TRPM3: variants seen among roughly 807,000 people sequenced by gnomAD.
TRPM3 encodes the protein transient receptor potential cation channel subfamily M member 3, also known as long transient receptor potential channel 3.
Under a neutral mutation model 181.2 loss-of-function variants are expected in TRPM3, and 77 were observed. The observed-to-expected ratio is 0.42, with a 90% confidence interval of 0.35 to 0.51. The LOEUF is 0.51. Among genes scored for constraint, TRPM3 ranks in the 20% least tolerant of loss-of-function variants. The pLI, the probability that TRPM3 is intolerant of heterozygous loss-of-function variation, is 0.01. For synonymous variants in TRPM3, 745 were observed against 796.4 expected, an observed-to-expected ratio of 0.94 and a Z score of 1.09; for missense variants, 1,759 against 2,196.7, an observed-to-expected ratio of 0.80 and a Z score of 3.98.
chr9:70,817,540 G>A (rs562552843), intron 6 of TRPM3, among the ~76,000 whole-genome samples: 1 of 152,300 alleles, frequency 6.6e-6, no homozygotes, highest in Non-Finnish European at 1.5e-5. Flanking sequence ...CCTAACTAAG[G>A]CTTTATGGTT....
intron 1 of TRPM3, among the ~76,000 whole-genome samples, chr9:71,137,723 A>C (rs1387286543): frequency 6.6e-6 from 1 of 152,222 alleles, no homozygotes; most frequent in African/African-American, 2.4e-5. Context: ...AAATGTCCAA[A>C]AGGAAGCTTC....
In TRPM3 at chr9:70,537,092, T is replaced by C. The variant is rs773681402; in HGVS notation, c.4021A>G (p.Thr1341Ala). 39 of 1,609,850 alleles carry C rather than the reference T, an allele frequency of 2.4e-5. No homozygotes were observed. The highest frequency in any genetic ancestry group is 5.0e-5 in the Admixed American group (3 of 59,926). ...TGGCTTCGCATACGGGGCATTAAGG[T>C]TGGAGAAGTTGGGGACATGGTCTCC... Reference protein sequence around the residue: ...GEETMSPTSPTLMPRMRSHSF... With the variant: ...GEETMSPTSPALMPRMRSHSF... Residue 1341 changes from threonine (T) to alanine (A), a missense_variant, in exon 26 of 26, where the codon ACC becomes GCC. Thr to Ala is a moderately conservative substitution (Grantham distance 58, BLOSUM62 0). This residue lies in a region of TRPM3 where 612 missense variants were observed against 590.0 expected (regional missense o/e 1.04). Transcript: ENST00000677713.
At chr9:71,003,696 T>C (rs972648418) in intron 1 of TRPM3, among the ~76,000 whole-genome samples, 7 of 152,178 alleles carry the variant, frequency 4.6e-5, no homozygotes, top group Non-Finnish European at 8.8e-5. Context: ...AAGTTCGGTA[T>C]CGTTTTATTT....
At chr9:70,770,486 A>T (rs2130546739) in intron 7 of TRPM3, among the ~76,000 whole-genome samples, 1 of 152,336 alleles carries the variant, frequency 6.6e-6, no homozygotes, top group East Asian at 1.9e-4. Context: ...AAACCAACAC[A>T]ACATACATCT....
rs769831095 is a variant in TRPM3, at chr9:70,536,836, A to T, written c.4277T>A (p.Ile1426Lys). 2.3e-5 allele frequency: 37 copies of T among 1,614,200 alleles called. No homozygotes were observed. Among genetic ancestry groups the T allele is most frequent in the Non-Finnish European group, 3.1e-5 (37 of 1,180,034 alleles). Reference protein sequence around the residue: ...VSAMDELHCDIDPLDNSVNIL... With the variant: ...VSAMDELHCDKDPLDNSVNIL... ...GTTCACGGAATTGTCCAGAGGGTCT[A>T]TATCACAGTGGAGCTCATCCATAGC... The change falls in exon 26 of 26, where the codon ATA becomes AAA. Residue 1426 changes from isoleucine (I) to lysine (K), a missense_variant. Physicochemically the swap from Ile to Lys is moderately radical, Grantham distance 102 (BLOSUM62 -3). This residue lies in a region of TRPM3 where 612 missense variants were observed against 590.0 expected (regional missense o/e 1.04). Transcript: ENST00000677713.
At chr9:70,889,444 T>C (rs1336566783) in intron 1 of TRPM3, among the ~76,000 whole-genome samples, 1 of 152,182 alleles carries the variant, frequency 6.6e-6, no homozygotes, top group Non-Finnish European at 1.5e-5. Context: ...CTTACCTCTG[T>C]CGGCCACTAG....
intron 1 of TRPM3, among the ~76,000 whole-genome samples, chr9:70,871,307 A>AGAT (rs2095785867): frequency 6.6e-6 from 1 of 151,986 alleles, no homozygotes; most frequent in African/African-American, 2.4e-5. Context: ...CTTCTTCACT[A>AGAT]GATACTACTC....
chr9:70,813,782 AG>A (rs2092399617), intron 6 of TRPM3, among the ~76,000 whole-genome samples: 1 of 152,238 alleles, frequency 6.6e-6, no homozygotes, highest in Non-Finnish European at 1.5e-5. Context: ...ATTTACTAGC[AG>A]TCTGACCTTG....
At chr9:71,202,520 A>G (rs769785923) in intron 1 of TRPM3, among the ~76,000 whole-genome samples, 2 of 152,166 alleles carry the variant, frequency 1.3e-5, no homozygotes, top group Non-Finnish European at 2.9e-5. Context: ...TAGGCAGAAT[A>G]AGAGAAATTT....
intron 1 of TRPM3, among the ~76,000 whole-genome samples, chr9:70,909,488 T>A (rs971073402): frequency 6.6e-6 from 1 of 152,092 alleles, no homozygotes; most frequent in African/African-American, 2.4e-5. Context: ...CAGGCCTTAC[T>A]CTGGGGAGCC....
chr9:71,368,531 T>C (rs577099392), intron 1 of TRPM3, among the ~76,000 whole-genome samples: 2 of 152,178 alleles, frequency 1.3e-5, no homozygotes, highest in Admixed American at 6.6e-5. Context: ...TCAATCCTAT[T>C]TGCCAAGCAG....
chr9:70,915,104 C>A (rs1374716161), intron 1 of TRPM3, among the ~76,000 whole-genome samples: 1 of 151,986 alleles, frequency 6.6e-6, no homozygotes, highest in Non-Finnish European at 1.5e-5. Context: ...ATGAAATGAA[C>A]CAAATAAGAT....
chr9:70,619,406 C>CTTTTTTTTTTTTTTTTTTTTTTTTTTTT (rs1170887633), intron 16 of TRPM3, among the ~76,000 whole-genome samples: 2 of 81,418 alleles, frequency 2.5e-5, no homozygotes, highest in Non-Finnish European at 4.4e-5. Flanking sequence ...TCGTCGTCTT[C>CTTTTTTTTTTTTTTTTTTTTTTTTTTTT]TTTTTTTTTT....
intron 1 of TRPM3, among the ~76,000 whole-genome samples, chr9:71,247,173 G>A (rs1372389042): frequency 1.3e-5 from 2 of 151,990 alleles, no homozygotes; most frequent in Non-Finnish European, 2.9e-5. Flanking sequence ...GACCAACATG[G>A]TGAAATACTG....
chr9:71,344,474 G>A (rs1565482847), intron 1 of TRPM3, among the ~76,000 whole-genome samples: 5 of 151,792 alleles, frequency 3.3e-5, no homozygotes, highest in South Asian at 4.1e-4. Flanking sequence ...TAACTGGAGC[G>A]AGAAACATCA....
At chr9:71,073,643 A>T (rs79874921) in intron 1 of TRPM3, among the ~76,000 whole-genome samples, 8 of 122,282 alleles carry the variant, frequency 6.5e-5, no homozygotes, top group Admixed American at 7.7e-5. Context: ...GATTATCAAT[A>T]AAAAAAAAAC....
At chr9:71,020,450 C>A in intron 1 of TRPM3, among the ~76,000 whole-genome samples, 1 of 150,132 alleles carries the variant, frequency 6.7e-6, no homozygotes. Flanking sequence ...TGCACTCAGC[C>A]TAGGTGACAG....
At chr9:70,885,247 C>A (rs190132688) in intron 1 of TRPM3, among the ~76,000 whole-genome samples, 1 of 152,182 alleles carries the variant, frequency 6.6e-6, no homozygotes, top group Admixed American at 6.5e-5. Flanking sequence ...TTGCATAATT[C>A]TTTGTTGTGG....
At chr9:71,415,242 G>C (rs553909573) in intron 1 of TRPM3, among the ~76,000 whole-genome samples, 1 of 152,140 alleles carries the variant, frequency 6.6e-6, no homozygotes, top group African/African-American at 2.4e-5. Flanking sequence ...TGGCCCTCCT[G>C]ACACCTTGAT....
Sources: gnomAD v4.1 joint callset for allele counts (sites outside exome capture counted in the v4.1 genomes callset) on GRCh38, gnomAD v4.1.1 for gene constraint, gnomAD v4.1.1 regional missense constraint, MANE v1.5 for transcripts, NCBI Gene and HGNC (gene_info 2026-07-23, HGNC 2026-07-21) for gene names.